Variants in RETREG1 observed in about 807,000 individuals in gnomAD.
The protein encoded by RETREG1 is reticulophagy regulator 1, also known as family with sequence similarity 134 member B.
A neutral mutation model predicts 54.8 loss-of-function variants in RETREG1; 44 were observed. The ratio of observed to expected loss-of-function variants is 0.80; its 90% confidence interval spans 0.63 to 1.03. The LOEUF (loss-of-function observed/expected upper bound fraction) is 1.03. Ranked by LOEUF, RETREG1 falls within the 50% of genes least tolerant of loss-of-function variation. The pLI, the probability that RETREG1 is intolerant of heterozygous loss-of-function variation, is 0.00. For missense variants in RETREG1, 554 were observed against 605.1 expected (o/e 0.92, Z 0.89); for synonymous variants, 217 against 238.5 (o/e 0.91, Z 0.83).
In RETREG1 at chr5:16,474,582, T is replaced by A; in HGVS notation, c.*159A>T. ...ATATCAATCTATCAGTGTCAGCTGA[T>A]ATATATCCAATTAATTCACTGCAGG... On this transcript the variant is annotated 3_prime_UTR_variant, in exon 9 of 9. Coordinates refer to ENST00000306320, the MANE Select transcript of RETREG1 (RefSeq NM_001034850.3). The A allele has an allele frequency of 1.2e-6, 1 of 808,990 alleles. No homozygotes were observed. Among genetic ancestry groups the A allele is most frequent in the Non-Finnish European group, 1.9e-6 (1 of 523,660 alleles). The allele number at this position is 808,990 out of a possible 1,614,324, so 50.1% of individuals were successfully genotyped here.
chr5:16,591,368 G>T (rs191254381), intron 1 of RETREG1, among the ~76,000 whole-genome samples: 1 of 152,272 alleles, frequency 6.6e-6, no homozygotes, highest in Admixed American at 6.5e-5. Context: ...AATGCCACAG[G>T]TAACCACCCC....
At chr5:16,507,559 A>G (rs1740006273) in intron 3 of RETREG1, among the ~76,000 whole-genome samples, 1 of 152,176 alleles carries the variant, frequency 6.6e-6, no homozygotes, top group Non-Finnish European at 1.5e-5. Flanking sequence ...AAGTTGTTTC[A>G]TTGTTCAATT....
intron 3 of RETREG1, chr5:16,508,619 C>T (rs781065260): frequency 8.7e-6 from 14 of 1,614,014 alleles, no homozygotes; most frequent in Non-Finnish European, 7.6e-6. Context: ...GCATTTCTGC[C>T]CTTTAAAAAT....
chr5:16,570,015 C>G (rs1742130931), intron 2 of RETREG1, among the ~76,000 whole-genome samples: 1 of 152,232 alleles, frequency 6.6e-6, no homozygotes, highest in African/African-American at 2.4e-5. Context: ...CCTGCCAACG[C>G]TTTGATTTGG....
intron 1 of RETREG1, among the ~76,000 whole-genome samples, chr5:16,601,678 G>A (rs925356424): frequency 6.6e-6 from 1 of 152,144 alleles, no homozygotes; most frequent in South Asian, 2.1e-4. Context: ...TTATAGGCGT[G>A]AGCCACCATA....
intron 1 of RETREG1, among the ~76,000 whole-genome samples, chr5:16,572,596 G>GA (rs764490307): frequency 1.3e-5 from 2 of 152,214 alleles, no homozygotes; most frequent in African/African-American, 2.4e-5. Context: ...GAAAGTGTCT[G>GA]AGCCTGCGCG....
chr5:16,611,346 A>G (rs1743338593), intron 1 of RETREG1, among the ~76,000 whole-genome samples: 1 of 152,214 alleles, frequency 6.6e-6, no homozygotes, highest in Admixed American at 6.5e-5. Flanking sequence ...TGGCACATGT[A>G]TACATACGTA....
At position 16,476,435 on chromosome 5, in the gene RETREG1, C is replaced by T. The variant is rs540691964; in HGVS notation, c.1001-1201G>A. ...AAGTTACTGTACAAGCATTGACTCT[C>T]AATTTAAGTTTTGGACATAATTTGC... On this transcript the variant is annotated intron_variant, in intron 8 of 8. Transcript: ENST00000306320. Among the ~76,000 whole-genome samples the T allele has an allele frequency of 5.6e-4, 85 of 152,262 alleles. 1 individual carries two copies. Among genetic ancestry groups the T allele is most frequent in the South Asian group, 5.0e-3 (24 of 4,820 alleles).
At chr5:16,605,493 A>C (rs1308509352) in intron 1 of RETREG1, among the ~76,000 whole-genome samples, 1 of 152,198 alleles carries the variant, frequency 6.6e-6, no homozygotes, top group Non-Finnish European at 1.5e-5. Flanking sequence ...AGAATGGAAC[A>C]AGAATGGGAG....
chr5:16,556,492 C>T (rs1991471), intron 3 of RETREG1, among the ~76,000 whole-genome samples: 124,879 of 151,994 alleles, frequency 0.82, 51,294 homozygotes, highest in Middle Eastern at 0.87. Context: ...AAATGGGTGA[C>T]TGAACTCATG....
intron 3 of RETREG1, among the ~76,000 whole-genome samples, chr5:16,532,111 A>C (rs1176524587): frequency 1.3e-5 from 2 of 152,234 alleles, no homozygotes; most frequent in Non-Finnish European, 2.9e-5. Context: ...TATCCAGTGG[A>C]GACCCAATGA....
rs552229102 is a variant in RETREG1, at chr5:16,593,419, A to C, written c.321-21317T>G. Among the ~76,000 whole-genome samples the C allele has an allele frequency of 3.9e-5, 6 of 152,192 alleles. No homozygotes were observed. Among genetic ancestry groups the C allele is most frequent in the Non-Finnish European group, 7.4e-5 (5 of 68,020 alleles). On this transcript the variant is annotated intron_variant, in intron 1 of 8. Coordinates refer to ENST00000306320, the MANE Select transcript of RETREG1 (RefSeq NM_001034850.3). This position sits in a 1 kb window ranked among gnomAD's most constrained non-coding sequence, Gnocchi z 4.9. ...TCTGCATGCCAATCACAGGCACTCA[A>C]TAAATACTTTTTTGTTTGCTGTTGC...
At chr5:16,492,964 C>A (rs1003332378) in intron 3 of RETREG1, among the ~76,000 whole-genome samples, 1 of 152,158 alleles carries the variant, frequency 6.6e-6, no homozygotes, top group African/African-American at 2.4e-5. Context: ...GCCACGTGAG[C>A]GACTCCTCCC....
chr5:16,523,265 T>C (rs947225332), intron 3 of RETREG1, among the ~76,000 whole-genome samples: 1 of 152,180 alleles, frequency 6.6e-6, no homozygotes, highest in Non-Finnish European at 1.5e-5. Flanking sequence ...GTTTTTTTCT[T>C]CATCCCTTCC....
chr5:16,605,716 G>C (rs1255068589), intron 1 of RETREG1, among the ~76,000 whole-genome samples: 5 of 152,184 alleles, frequency 3.3e-5, no homozygotes, highest in African/African-American at 1.2e-4. Flanking sequence ...TCAAGATCAA[G>C]GCACTGGCAG....
intron 2 of RETREG1, among the ~76,000 whole-genome samples, chr5:16,569,968 A>G (rs2126632040): frequency 1.3e-5 from 2 of 152,356 alleles, no homozygotes; most frequent in South Asian, 4.1e-4. Flanking sequence ...GAGGCAAGGA[A>G]TGGATCCTTC....
intron 3 of RETREG1, among the ~76,000 whole-genome samples, chr5:16,491,784 A>G (rs1158988488): frequency 6.6e-6 from 1 of 152,130 alleles, no homozygotes; most frequent in East Asian, 1.9e-4. Context: ...GCACTTTGGG[A>G]GACAAAGGCG....
rs1365258084 is a variant in RETREG1, at chr5:16,597,697, C to T, written c.320+18955G>A. 1.3e-5 allele frequency among the ~76,000 whole-genome samples: 2 copies of T among 152,176 alleles called. No homozygotes were observed. On this transcript the variant is annotated intron_variant, in intron 1 of 8. Coordinates refer to ENST00000306320, the MANE Select transcript of RETREG1 (RefSeq NM_001034850.3). The surrounding 1 kb of genome is among the most constrained non-coding windows in gnomAD (Gnocchi z 4.3). ...AAACAGACTTCCCCTTGCTGCCCCA[C>T]TCTCAGCCTCCAACATGTCTCCCAC...
chr5:16,590,913 AAAC>A (rs1365063382), intron 1 of RETREG1, among the ~76,000 whole-genome samples: 7 of 129,848 alleles, frequency 5.4e-5, no homozygotes, highest in African/African-American at 1.0e-4. Context: ...AAACACAAAA[AAAC>A]ACACACATGC....
Sources: gnomAD v4.1 joint callset for allele counts (sites outside exome capture counted in the v4.1 genomes callset) on GRCh38, gnomAD v4.1.1 for gene constraint, Gnocchi (gnomAD v3.1) non-coding constraint, MANE v1.5 for transcripts, NCBI Gene and HGNC (gene_info 2026-07-23, HGNC 2026-07-21) for gene names.